Variants in SERPINB7 observed in about 807,000 individuals in gnomAD.
The protein encoded by SERPINB7 is serpin B7.
Under a neutral mutation model 37.4 loss-of-function variants are expected in SERPINB7, and 31 were observed. The observed-to-expected ratio is 0.83, with a 90% CI of 0.62 to 1.12. The LOEUF (loss-of-function observed/expected upper bound fraction) is 1.12. SERPINB7 is among the 50% of genes most tolerant of loss of function. The probability of loss-of-function intolerance (pLI) is 0.00; values close to 1 mark genes in which losing one functional copy is unlikely to be tolerated. For missense variants in SERPINB7, 521 were observed against 455.3 expected (o/e 1.14, Z -1.31); for synonymous variants, 163 against 166.1 (o/e 0.98, Z 0.14).
upstream of SERPINB7, among the ~76,000 whole-genome samples, chr18:63,774,801 G>T (rs1328803120): frequency 1.3e-5 from 2 of 152,024 alleles, no homozygotes; most frequent in African/African-American, 4.8e-5. Context: ...GAAGCCAGTT[G>T]CAATAACTAA....
chr18:63,757,412 CTAT>C (rs1209353638), intron 1 of SERPINB7, among the ~76,000 whole-genome samples: 1 of 152,074 alleles, frequency 6.6e-6, no homozygotes, highest in Non-Finnish European at 1.5e-5. Flanking sequence ...TGCTAATTTG[CTAT>C]TATCTGTTGC....
intron 1 of SERPINB7, among the ~76,000 whole-genome samples, chr18:63,770,361 G>T (rs2049203472): frequency 6.6e-6 from 1 of 151,716 alleles, no homozygotes; most frequent in Non-Finnish European, 1.5e-5. Flanking sequence ...TGAGATTCCT[G>T]GCCAGTCTTC....
At chr18:63,790,599 A>G (rs2049416829) in intron 2 of SERPINB7, among the ~76,000 whole-genome samples, 1 of 152,230 alleles carries the variant, frequency 6.6e-6, no homozygotes. Context: ...ATAAGAAAGA[A>G]ATATAAGGGA....
At position 63,782,395 on chromosome 18, in the gene SERPINB7, A is replaced by T; in HGVS notation, c.23A>T (p.Asn8Ile). 6.2e-7 allele frequency: 1 copy of T among 1,612,640 alleles called. No homozygotes were observed. Among genetic ancestry groups the T allele is most frequent in the Non-Finnish European group, 8.5e-7 (1 of 1,179,158 alleles). The change falls in exon 2 of 8, where the codon AAT (asparagine) becomes ATT (isoleucine). Residue 8 changes from asparagine (N) to isoleucine (I), a missense_variant. Transcript: ENST00000398019. MASLAAA[N>I]AEFCFNLFRE... ...GCAATGGCCTCCCTTGCTGCAGCAAATGCAGAGTTTTGCTTCAACCTGTTC... is the reference window on the plus strand; with the variant it reads ...GCAATGGCCTCCCTTGCTGCAGCAATTGCAGAGTTTTGCTTCAACCTGTTC...
intron 1 of SERPINB7, among the ~76,000 whole-genome samples, chr18:63,767,307 T>C (rs75777808): frequency 0.031 from 4,745 of 152,168 alleles, 124 homozygotes; most frequent in African/African-American, 0.066. Context: ...AGTTCTGGGG[T>C]GGGCTAAGTT....
At chr18:63,792,330 T>A (rs1265454953) in intron 2 of SERPINB7, 63 bp from the exon 3 acceptor site, 1 of 1,188,670 alleles carries the variant, frequency 8.4e-7, no homozygotes, top group East Asian at 2.3e-5. Context: ...TTTTAAAACC[T>A]CTTGCAAACT....
intron 4 of SERPINB7, among the ~76,000 whole-genome samples, chr18:63,793,665 C>T (rs1599015969): frequency 1.3e-5 from 2 of 152,178 alleles, no homozygotes; most frequent in East Asian, 3.9e-4. Context: ...CCACTATGCC[C>T]AGCTAATTTT....
chr18:63,759,339 T>G (rs1016163140), intron 1 of SERPINB7, among the ~76,000 whole-genome samples: 4 of 152,146 alleles, frequency 2.6e-5, no homozygotes, highest in Admixed American at 6.5e-5. Context: ...ATTTTCCAAT[T>G]AAAATTGACA....
At chr18:63,784,601 G>A (rs2049346146) in intron 2 of SERPINB7, among the ~76,000 whole-genome samples, 1 of 152,142 alleles carries the variant, frequency 6.6e-6, no homozygotes, top group Non-Finnish European at 1.5e-5. Context: ...AGAACCAAGT[G>A]AGATGATTTG....
intron 1 of SERPINB7, among the ~76,000 whole-genome samples, chr18:63,754,931 C>T (rs1440376266): frequency 3.3e-5 from 4 of 121,196 alleles, no homozygotes; most frequent in East Asian, 4.9e-4. Flanking sequence ...CTCGCTCTGT[C>T]GCCCAGGCCG....
At chr18:63,769,699 C>T (rs1404162567) in intron 1 of SERPINB7, among the ~76,000 whole-genome samples, 1 of 152,068 alleles carries the variant, frequency 6.6e-6, no homozygotes, top group Non-Finnish European at 1.5e-5. Context: ...CCTGTTTTTG[C>T]ACTACCCAGC....
chr18:63,771,178 A>G (rs1567056), upstream of SERPINB7, among the ~76,000 whole-genome samples: 151,344 of 152,174 alleles, frequency 0.99, 75,264 homozygotes, highest in East Asian at 1. Flanking sequence ...AAGAGAGACG[A>G]AAGGTATTTA....
chr18:63,764,227 G>C (rs1245853971), intron 1 of SERPINB7, among the ~76,000 whole-genome samples: 7 of 152,224 alleles, frequency 4.6e-5, no homozygotes, highest in Admixed American at 4.6e-4. Flanking sequence ...GTAGGATTAT[G>C]TGAGGGCAGT....
intron 1 of SERPINB7, among the ~76,000 whole-genome samples, chr18:63,776,221 A>C (rs12456158): frequency 3.5e-3 from 532 of 152,166 alleles, no homozygotes; most frequent in South Asian, 7.1e-3. Context: ...TAGCTACATA[A>C]AGATGAATTC....
intron 1 of SERPINB7, among the ~76,000 whole-genome samples, chr18:63,765,496 A>G (rs2049175963): frequency 6.6e-6 from 1 of 152,176 alleles, no homozygotes; most frequent in Non-Finnish European, 1.5e-5. Flanking sequence ...AAAAAGTAAG[A>G]TAAGAATAAG....
At chr18:63,783,642 T>G (rs1319963834) in intron 2 of SERPINB7, among the ~76,000 whole-genome samples, 1 of 152,184 alleles carries the variant, frequency 6.6e-6, no homozygotes, top group African/African-American at 2.4e-5. Context: ...GGAAGTGGAA[T>G]GGTCGTTTCC....
rs1568209144 is a variant in SERPINB7 at position 63,785,889 on chromosome 18, T to TATATAATATACGTATATATACACAC, written c.168+3354_168+3355insATATACGTATATATACACACATATA. Among the ~76,000 whole-genome samples the TATATAATATACGTATATATACACAC allele has an allele frequency of 1.4e-4, 19 of 136,062 alleles. 5 individuals carry two copies. Among genetic ancestry groups the TATATAATATACGTATATATACACAC allele is most frequent in the African/African-American group, 4.9e-4 (17 of 34,684 alleles). 89.3% of individuals were successfully genotyped at this position (136,062 alleles called of 152,430 possible). On this transcript the variant is annotated intron_variant, in intron 2 of 7. Coordinates refer to ENST00000398019, the MANE Select transcript of SERPINB7 (RefSeq NM_003784.4). The stretch of plus-strand genomic sequence containing the variant: ...CATTTCCATTGAAATGCTTTATATA[T>TATATAATATACGTATATATACACAC]ATATATAATATACGTATATATACAC...
At chr18:63,765,504 A>G (rs374545456) in intron 1 of SERPINB7, among the ~76,000 whole-genome samples, 18 of 152,138 alleles carry the variant, frequency 1.2e-4, no homozygotes, top group African/African-American at 4.3e-4. Flanking sequence ...AGATAAGAAT[A>G]AGCCATCTCT....
At position 63,801,022 on chromosome 18, in the gene SERPINB7, G is replaced by A. The variant is rs369261464; in HGVS notation, c.744+10G>A. On this transcript the variant is annotated intron_variant, in intron 7 of 7. Transcript: ENST00000398019. ...GAATGACCTCTCTGAAGTAAGTTAC[G>A]ACTGTCATTTTCACTATTGGGAAAT... 3.5e-5 allele frequency: 57 copies of A among 1,610,826 alleles called. No homozygotes were observed. The highest frequency in any genetic ancestry group is 4.6e-5 in the Non-Finnish European group (54 of 1,178,834).
Sources: gnomAD v4.1 joint callset for allele counts (sites outside exome capture counted in the v4.1 genomes callset) on GRCh38, gnomAD v4.1.1 for gene constraint, MANE v1.5 for transcripts, NCBI Gene and HGNC (gene_info 2026-07-23, HGNC 2026-07-21) for gene names.